The following GRB10 variants were observed in gnomAD, a reference collection of about 807,000 sequenced individuals.
GRB10 encodes growth factor receptor-bound protein 10.
In GRB10, 20 loss-of-function variants were observed where a neutral mutation model predicts 80.9. That is an observed-to-expected ratio of 0.25 (90% CI 0.17 to 0.36). The LOEUF is 0.36. Ranked by LOEUF, GRB10 falls within the 10% of genes least tolerant of loss-of-function variation. The pLI, the probability that GRB10 is intolerant of heterozygous loss-of-function variation, is 1.00. For missense variants in GRB10, 548 were observed against 747.7 expected, an observed-to-expected ratio of 0.73 and a Z score of 3.12; for synonymous variants, 291 against 291.5, an observed-to-expected ratio of 1.00 and a Z score of 0.02.
At chr7:50,774,652 T>C (rs1263830046) in intron 2 of GRB10, among the ~76,000 whole-genome samples, 1 of 152,130 alleles carries the variant, frequency 6.6e-6, no homozygotes, top group Non-Finnish European at 1.5e-5. Context: ...GATAAGGCCA[T>C]AAGGAGACAC....
chr7:50,780,417 T>C (rs2078162442), intron 2 of GRB10, among the ~76,000 whole-genome samples: 1 of 152,196 alleles, frequency 6.6e-6, no homozygotes, highest in African/African-American at 2.4e-5. Context: ...CCTCCCCTCA[T>C]TCTGCCCTTG....
chr7:50,667,923 G>A (rs555759067), intron 7 of GRB10, among the ~76,000 whole-genome samples: 34 of 152,354 alleles, frequency 2.2e-4, no homozygotes, highest in Admixed American at 1.2e-3. Context: ...GAGAGAGCCA[G>A]ATAATATTTT....
intron 2 of GRB10, among the ~76,000 whole-genome samples, chr7:50,773,379 T>TGGGAA (rs1554311940): frequency 5.3e-5 from 3 of 56,256 alleles, no homozygotes; most frequent in Non-Finnish European, 1.2e-4. Context: ...GGAAGCGGAA[T>TGGGAA]GGGAAGGGAA....
At chr7:50,651,675 T>C (rs1361842266) in intron 7 of GRB10, among the ~76,000 whole-genome samples, 5 of 152,232 alleles carry the variant, frequency 3.3e-5, no homozygotes, top group African/African-American at 7.2e-5. Flanking sequence ...AAATAGTTTA[T>C]AGTTGTCGGA....
intron 4 of GRB10, among the ~76,000 whole-genome samples, chr7:50,704,897 G>T (rs376250658): frequency 6.6e-6 from 1 of 152,136 alleles, no homozygotes; most frequent in Non-Finnish European, 1.5e-5. Flanking sequence ...AGTGGGTCCC[G>T]GCTGTTCTGG....
intron 4 of GRB10, chr7:50,727,649 G>T (rs2068865700): frequency 6.6e-6 from 1 of 151,872 alleles, no homozygotes; most frequent in Admixed American, 6.6e-5. Context: ...CCATCTATTT[G>T]TTTTAAGTGA....
chr7:50,734,707 T>C (rs1176722642), intron 3 of GRB10, among the ~76,000 whole-genome samples: 2 of 152,250 alleles, frequency 1.3e-5, no homozygotes, highest in Non-Finnish European at 2.9e-5. Context: ...CCAAAGGAGA[T>C]GGCTTCTCCG....
intron 8 of GRB10, 64 bp from the exon 9 acceptor site, chr7:50,619,349 C>T (rs1585782898): frequency 1.1e-6 from 1 of 914,344 alleles, no homozygotes; most frequent in East Asian, 2.4e-5. Flanking sequence ...GCTTTACAAC[C>T]AAATGGAAGA....
At chr7:50,730,649 T>C (rs753722608) in intron 4 of GRB10, among the ~76,000 whole-genome samples, 2 of 152,308 alleles carry the variant, frequency 1.3e-5, no homozygotes, top group South Asian at 4.1e-4. Context: ...CCTTCCTTCC[T>C]GACTTCCTGG....
chr7:50,640,540 C>T (rs1053526362), intron 7 of GRB10, among the ~76,000 whole-genome samples: 8 of 152,214 alleles, frequency 5.3e-5, no homozygotes, highest in African/African-American at 1.4e-4. Flanking sequence ...TTGTAACCCA[C>T]GACTGTATTT....
intron 3 of GRB10, among the ~76,000 whole-genome samples, chr7:50,752,287 G>T (rs918352300): frequency 3.3e-5 from 5 of 152,164 alleles, no homozygotes; most frequent in African/African-American, 1.2e-4. Context: ...TCAAGTTACA[G>T]AAGCCAAAAG....
intron 7 of GRB10, among the ~76,000 whole-genome samples, chr7:50,664,426 G>A (rs539696210): frequency 9.2e-5 from 14 of 152,290 alleles, no homozygotes; most frequent in Admixed American, 1.3e-4. Context: ...TCACCAGGCC[G>A]TGGCGGGGGG....
chr7:50,598,504 C>G (rs575246583), intron 17 of GRB10, among the ~76,000 whole-genome samples: 26 of 152,294 alleles, frequency 1.7e-4, no homozygotes, highest in African/African-American at 5.1e-4. Flanking sequence ...CAGGACCCGA[C>G]AGTGATCAGA....
At chr7:50,705,149 A>T (rs2064859838) in intron 4 of GRB10, 2 of 985,486 alleles carry the variant, frequency 2.0e-6, no homozygotes, top group Non-Finnish European at 2.4e-6. Flanking sequence ...CCTGGGAGCA[A>T]ACAGGTTTAG....
intron 1 of GRB10, among the ~76,000 whole-genome samples, chr7:50,788,974 C>T (rs2078803338): frequency 6.6e-6 from 1 of 152,236 alleles, no homozygotes; most frequent in Admixed American, 6.5e-5. Flanking sequence ...ACTTCTGCTC[C>T]TGGTTGAAGG....
chr7:50,651,682 C>T (rs926523395), intron 7 of GRB10, among the ~76,000 whole-genome samples: 2 of 152,178 alleles, frequency 1.3e-5, no homozygotes, highest in African/African-American at 2.4e-5. Flanking sequence ...TTATAGTTGT[C>T]GGAGCACATT....
At chr7:50,682,432 A>G (rs1032964759) in intron 5 of GRB10, among the ~76,000 whole-genome samples, 8 of 152,170 alleles carry the variant, frequency 5.3e-5, no homozygotes, top group Non-Finnish European at 1.0e-4. Flanking sequence ...GAGCCATGAT[A>G]TCTGCTATTT....
chr7:50,782,628 G>A lies in GRB10; in HGVS notation c.-531C>T, dbSNP rs1258805360. The A allele has an allele frequency of 4.6e-5, 7 of 151,474 alleles. No individual in the cohort carries two copies. The highest frequency in any genetic ancestry group is 9.7e-5 in the African/African-American group (4 of 41,342). The allele number at this position is 151,474 out of a possible 1,614,324, so 9.4% of individuals were successfully genotyped here. A position where few individuals can be genotyped will look rare whatever the true frequency, so the allele number is the denominator to read the frequency against. ...GCGCAGAAAACCGACCCGGGGCCTC[G>A]GGGCCACCGCGCGCCAGGCGAACGC... is the stretch of plus-strand genomic sequence containing the variant. On this transcript the variant is annotated 5_prime_UTR_variant, in exon 1 of 19. Transcript: ENST00000401949. The surrounding 1 kb of genome is among the most constrained non-coding windows in gnomAD (Gnocchi z 6.6).
intron 7 of GRB10, among the ~76,000 whole-genome samples, chr7:50,665,293 G>T (rs140319821): frequency 6.6e-6 from 1 of 152,222 alleles, no homozygotes; most frequent in Admixed American, 6.5e-5. Context: ...TCAGGTAAAC[G>T]CAAGACCAAT....
Sources: gnomAD v4.1 joint callset for allele counts (sites outside exome capture counted in the v4.1 genomes callset) on GRCh38, gnomAD v4.1.1 for gene constraint, Gnocchi (gnomAD v3.1) non-coding constraint, MANE v1.5 for transcripts, NCBI Gene and HGNC (gene_info 2026-07-23, HGNC 2026-07-21) for gene names.